Variants in ITSN1 observed in about 807,000 individuals in gnomAD.
ITSN1 encodes the protein intersectin 1.
A neutral mutation model predicts 239.8 loss-of-function variants in ITSN1; 58 were observed. The observed-to-expected ratio is 0.24, with a 90% confidence interval of 0.20 to 0.30. ITSN1 has a LOEUF of 0.30. Among genes scored for constraint, ITSN1 ranks in the 10% least tolerant of loss-of-function variants. ITSN1 has a pLI of 1.00. For synonymous variants in ITSN1, 780 were observed against 770.8 expected, an observed-to-expected ratio of 1.01 and a Z score of -0.20; for missense variants, 1,558 against 2,103.3, an observed-to-expected ratio of 0.74 and a Z score of 5.07.
intron 1 of ITSN1, among the ~76,000 whole-genome samples, chr21:33,680,323 CTTTTCTT>C (rs1555866335): frequency 1.2e-4 from 18 of 147,520 alleles, no homozygotes; most frequent in South Asian, 2.1e-4. Flanking sequence ...CTTTTTCTTT[CTTTTCTT>C]TTTTCTTTTT....
chr21:33,843,233 C>T (rs2074884363), intron 29 of ITSN1, among the ~76,000 whole-genome samples: 1 of 152,166 alleles, frequency 6.6e-6, no homozygotes, highest in Non-Finnish European at 1.5e-5. Context: ...ACATGTGTGT[C>T]CATAATAGCC....
chr21:33,673,668 A>G (rs946768631), intron 1 of ITSN1, among the ~76,000 whole-genome samples: 1 of 152,194 alleles, frequency 6.6e-6, no homozygotes, highest in Non-Finnish European at 1.5e-5. Context: ...GGGTAATCCC[A>G]GCTGTTTGTC....
intron 22 of ITSN1, chr21:33,817,360 C>T: frequency 7.7e-7 from 1 of 1,304,448 alleles, no homozygotes. Flanking sequence ...GCCTGGAGTG[C>T]CCTTCCTCCG....
At chr21:33,810,907 T>A (rs1280492901) in intron 20 of ITSN1, 68 bp from the exon 21 acceptor site, 1 of 1,579,248 alleles carries the variant, frequency 6.3e-7, no homozygotes, top group African/African-American at 1.3e-5. Context: ...GGGACTTCAC[T>A]GTAGTTGGGT....
intron 1 of ITSN1, among the ~76,000 whole-genome samples, chr21:33,711,540 TTC>T (rs1261217378): frequency 6.6e-6 from 1 of 152,100 alleles, no homozygotes. Context: ...TGTTTGTCCT[TTC>T]TGTTTTTTTT....
At position 33,798,623 on chromosome 21, in the gene ITSN1, C is replaced by T. The variant is rs116449041; in HGVS notation, c.2182+1015C>T. 6.9e-3 allele frequency among the ~76,000 whole-genome samples: 1,054 copies of T among 152,080 alleles called. 15 individuals carry two copies. Among genetic ancestry groups the T allele is most frequent in the African/African-American group, 0.023 (968 of 41,466 alleles). Reference sequence around the variant, plus strand: ...TTTTTCTTTGTGTGGTAAATTATACCAGTTTTGCTTGGTCATCCATGTGCT... The same window carrying T: ...TTTTTCTTTGTGTGGTAAATTATACTAGTTTTGCTTGGTCATCCATGTGCT... On this transcript the variant is annotated intron_variant, in intron 18 of 39. Transcript: ENST00000381318.
rs777086928 is a variant in ITSN1, at chr21:33,834,361, C to T, written c.3406C>T (p.Leu1136=). The T allele has an allele frequency of 1.2e-6, 2 of 1,614,048 alleles. No homozygotes were observed. Among genetic ancestry groups the T allele is most frequent in the Admixed American group, 1.7e-5 (1 of 60,008 alleles). The change falls in exon 28 of 40, where the codon CTA becomes TTA. Residue 1136 remains leucine, a synonymous_variant. Coordinates refer to ENST00000381318, the MANE Select transcript of ITSN1 (RefSeq NM_003024.3). ...GTTCCCAGCTAATTATGTAAAGCTT[C>T]TAAGCCCTGGGACGAGCAAAATCAC... ...GWFPANYVKL[L]SPGTSKITPT...
intron 1 of ITSN1, among the ~76,000 whole-genome samples, chr21:33,691,748 G>A (rs1202976969): frequency 6.6e-6 from 1 of 152,180 alleles, no homozygotes; most frequent in African/African-American, 2.4e-5. Flanking sequence ...TCTTTGTGGT[G>A]TGCAGACAGT....
In ITSN1 at chr21:33,760,349, C is replaced by G. The variant is rs200161672; in HGVS notation, c.725-1574C>G. On this transcript the variant is annotated intron_variant, in intron 8 of 39. Coordinates refer to ENST00000381318, the MANE Select transcript of ITSN1 (RefSeq NM_003024.3). Reference sequence around the variant, plus strand: ...GGCATCTGGGGTGCGATTATACTCTCTTTCATGACCTCCATAGTGTTTGAG... The same window carrying G: ...GGCATCTGGGGTGCGATTATACTCTGTTTCATGACCTCCATAGTGTTTGAG... Among the ~76,000 whole-genome samples the G allele has an allele frequency of 5.3e-5, 8 of 152,160 alleles. No individual in the cohort carries two copies. In the East Asian group the frequency reaches 1.5e-3, roughly 29 times the overall value.
chr21:33,817,642 C>T (rs2073377983), intron 22 of ITSN1: 1 of 1,228,890 alleles, frequency 8.1e-7, no homozygotes, highest in African/African-American at 1.6e-5. Context: ...AGTGCTTTTC[C>T]CTAAATTATC....
intron 16 of ITSN1, among the ~76,000 whole-genome samples, chr21:33,790,284 A>T (rs913511674): frequency 2.6e-5 from 4 of 151,276 alleles, no homozygotes; most frequent in African/African-American, 7.3e-5. Flanking sequence ...ATTTAATATT[A>T]ATATTTAATA....
intron 5 of ITSN1, among the ~76,000 whole-genome samples, chr21:33,748,704 A>G (rs1249591171): frequency 7.2e-6 from 1 of 139,810 alleles, no homozygotes; most frequent in African/African-American, 3.3e-5. Flanking sequence ...AAATACACGT[A>G]TATATATATA....
intron 29 of ITSN1, chr21:33,837,326 T>C: frequency 9.4e-7 from 1 of 1,061,440 alleles, no homozygotes; most frequent in African/African-American, 1.7e-5. Flanking sequence ...TTAAAATTAT[T>C]TTTAAATATA....
At chr21:33,877,095 C>A (rs1984067683) in intron 34 of ITSN1, among the ~76,000 whole-genome samples, 1 of 113,980 alleles carries the variant, frequency 8.8e-6, no homozygotes, top group East Asian at 3.0e-4. Flanking sequence ...GCTCTGTCAC[C>A]CAGGGTGGAG....
At chr21:33,765,722 A>G (rs969772735) in intron 9 of ITSN1, among the ~76,000 whole-genome samples, 153 bp from the exon 10 acceptor site, 1 of 152,252 alleles carries the variant, frequency 6.6e-6, no homozygotes, top group Non-Finnish European at 1.5e-5. Flanking sequence ...TCTTTGCAGC[A>G]GTATAAAATA....
chr21:33,769,699 CT>C (rs201243816), intron 11 of ITSN1, among the ~76,000 whole-genome samples: 88 of 145,300 alleles, frequency 6.1e-4, no homozygotes, highest in Middle Eastern at 3.5e-3. Flanking sequence ...CTGTCTCTGC[CT>C]TTTTTTTTTT....
chr21:33,829,441 C>G (rs560008140), intron 26 of ITSN1, 183 bp from the exon 27 acceptor site: 2 of 632,586 alleles, frequency 3.2e-6, no homozygotes, highest in Non-Finnish European at 5.6e-6. Flanking sequence ...CCTTGAATGC[C>G]GTGTCTGCCT....
At chr21:33,828,516 A>C (rs1569264518) in intron 26 of ITSN1, among the ~76,000 whole-genome samples, 1 of 152,256 alleles carries the variant, frequency 6.6e-6, no homozygotes, top group Non-Finnish European at 1.5e-5. Context: ...GGCTTGCTTA[A>C]GGGCCAGAGT....
Position 33,779,044 on chromosome 21 carries a change from T to C in ITSN1, c.1597-2417T>C, listed in dbSNP as rs114868104. The stretch of plus-strand genomic sequence containing the variant: ...TTTCTCCTACTCTATCTCTCCTCCT[T>C]CTTCTTTTCTTGATCAGTCTATCTG... On this transcript the variant is annotated intron_variant, in intron 14 of 39. Coordinates refer to ENST00000381318, the MANE Select transcript of ITSN1 (RefSeq NM_003024.3). Among the ~76,000 whole-genome samples, 1,429 of 152,070 alleles carry C rather than the reference T, an allele frequency of 9.4e-3. 20 individuals are homozygous for C. Among genetic ancestry groups the C allele is most frequent in the African/African-American group, 0.033 (1,367 of 41,488 alleles).
Sources: allele counts gnomAD v4.1 joint callset (sites outside exome capture counted in the v4.1 genomes callset), GRCh38; gene constraint gnomAD v4.1.1; transcripts MANE v1.5; gene names NCBI Gene and HGNC (gene_info 2026-07-23, HGNC 2026-07-21).